The following FHIP1A variants were observed in gnomAD, a reference collection of about 807,000 sequenced individuals.
FHIP1A encodes FHF complex subunit HOOK interacting protein 1A.
In FHIP1A, 61 loss-of-function variants were observed where a neutral mutation model predicts 88.6. The ratio of observed to expected loss-of-function variants is 0.69; its 90% CI spans 0.56 to 0.85. FHIP1A has a LOEUF of 0.85. Among genes scored for constraint, FHIP1A ranks in the 40% least tolerant of loss-of-function variants. The pLI, the probability that FHIP1A is intolerant of heterozygous loss-of-function variation, is 0.00. For synonymous variants in FHIP1A, 478 were observed against 496.0 expected, an observed-to-expected ratio of 0.96 and a Z score of 0.48; for missense variants, 1,154 against 1,273.5, an observed-to-expected ratio of 0.91 and a Z score of 1.43.
At chr4:151,502,255 T>C (rs566442258) in intron 3 of FHIP1A, among the ~76,000 whole-genome samples, 6 of 151,814 alleles carry the variant, frequency 4.0e-5, no homozygotes, top group Admixed American at 6.6e-5. Flanking sequence ...AGATCAAGGC[T>C]GCAGTGAGCT....
At chr4:151,477,039 T>C (rs1729734012) in intron 2 of FHIP1A, among the ~76,000 whole-genome samples, 2 of 152,188 alleles carry the variant, frequency 1.3e-5, no homozygotes, top group Admixed American at 6.5e-5. Context: ...AAGGTGCCAA[T>C]TCTCTGTGAA....
intron 4 of FHIP1A, among the ~76,000 whole-genome samples, chr4:151,567,965 C>A (rs893539233): frequency 7.2e-5 from 11 of 152,124 alleles, no homozygotes; most frequent in African/African-American, 2.7e-4. Flanking sequence ...ATCATTTCTG[C>A]TGGGGTAACT....
At chr4:151,510,574 T>C (rs373678934) in intron 3 of FHIP1A, among the ~76,000 whole-genome samples, 15 of 152,318 alleles carry the variant, frequency 9.8e-5, no homozygotes, top group East Asian at 9.6e-4. Context: ...TTCTACTGAG[T>C]GCATTTTTTG....
intron 3 of FHIP1A, among the ~76,000 whole-genome samples, chr4:151,547,040 T>C (rs1488200478): frequency 6.6e-6 from 1 of 152,138 alleles, no homozygotes; most frequent in African/African-American, 2.4e-5. Context: ...TTTCTCTAGG[T>C]TGGCAATTCT....
At chr4:151,637,115 G>A (rs1233573375) in intron 8 of FHIP1A, among the ~76,000 whole-genome samples, 3 of 152,038 alleles carry the variant, frequency 2.0e-5, no homozygotes, top group African/African-American at 7.2e-5. Flanking sequence ...ATATCCATGT[G>A]CAAAATAATA....
chr4:151,436,801 C>T lies in FHIP1A; in HGVS notation c.-355-17900C>T, dbSNP rs528924104. Among the ~76,000 whole-genome samples the T allele has an allele frequency of 8.5e-5, 13 of 152,142 alleles. No individual in the cohort carries two copies. The East Asian group carries it at 2.5e-3, about 29-fold the overall frequency. ...GTTTTAAAAATAGTAATTCTAACAT[C>T]CAGTAGAAATACCAGCATCCAGTAG... On this transcript the variant is annotated intron_variant, in intron 1 of 13. Transcript: ENST00000435205.
rs1422483183 is a variant in FHIP1A at position 151,665,322 on chromosome 4, C to T, written c.*2568C>T. Among the ~76,000 whole-genome samples the T allele has an allele frequency of 1.3e-5, 2 of 152,178 alleles. No homozygotes were observed. Among genetic ancestry groups the T allele is most frequent in the Non-Finnish European group, 2.9e-5 (2 of 68,030 alleles). On this transcript the variant is annotated 3_prime_UTR_variant, in exon 14 of 14. Coordinates refer to ENST00000435205, the MANE Select transcript of FHIP1A (RefSeq NM_001109977.3). ...TGAGGACAGAGATGACTGGTGTGTG[C>T]AGTGACAGGCAGGAGAATGTAACTT... is the stretch of plus-strand genomic sequence containing the variant.
At chr4:151,424,717 C>T (rs1733298885) in intron 1 of FHIP1A, among the ~76,000 whole-genome samples, 1 of 151,218 alleles carries the variant, frequency 6.6e-6, no homozygotes, top group Non-Finnish European at 1.5e-5. Context: ...TGATTATAGA[C>T]AAGGTGATCT....
At chr4:151,636,205 G>C (rs908283195) in intron 8 of FHIP1A, among the ~76,000 whole-genome samples, 14 of 151,904 alleles carry the variant, frequency 9.2e-5, no homozygotes, top group African/African-American at 3.1e-4. Context: ...ATCATATCAA[G>C]ATAAAGGAAA....
chr4:151,477,590 C>T (rs866065096), intron 2 of FHIP1A, among the ~76,000 whole-genome samples: 3 of 151,944 alleles, frequency 2.0e-5, no homozygotes, highest in Non-Finnish European at 4.4e-5. Flanking sequence ...ATATTTGCTT[C>T]TCAAATCATG....
Position 151,650,280 on chromosome 4 carries a change from G to C in FHIP1A, c.2239G>C (p.Glu747Gln). The C allele has an allele frequency of 1.9e-6, 3 of 1,551,708 alleles. No individual in the cohort carries two copies. The highest frequency in any genetic ancestry group is 1.7e-6 in the Non-Finnish European group (2 of 1,146,990). ...HSSNLTAAHP[E>Q]SEELIAQYDQ... is the part of the protein sequence containing the mutation. ...CTCTAACCTGACAGCCGCCCACCCGGAGAGCGAGGAGCTCATTGCCCAGTA... is the reference window on the plus strand; with the variant it reads ...CTCTAACCTGACAGCCGCCCACCCGCAGAGCGAGGAGCTCATTGCCCAGTA... Residue 747 changes from glutamate to glutamine, a missense_variant, in exon 11 of 14, where the codon GAG (glutamate) becomes CAG (glutamine). By Grantham distance (29) the Glu-to-Gln change is conservative. Coordinates refer to ENST00000435205, the MANE Select transcript of FHIP1A (RefSeq NM_001109977.3).
chr4:151,550,916 C>T (rs11726545), intron 3 of FHIP1A, among the ~76,000 whole-genome samples: 16,896 of 152,246 alleles, frequency 0.11, 973 homozygotes, highest in African/African-American at 0.13. Flanking sequence ...ACAGGAAGCT[C>T]TGAAACTGGG....
At chr4:151,586,905 T>A in intron 6 of FHIP1A, 106 bp downstream of exon 6, 1 of 878,374 alleles carries the variant, frequency 1.1e-6, no homozygotes, top group East Asian at 2.8e-5. Context: ...TTAATAAATG[T>A]TTATGGAATA....
chr4:151,531,998 T>C (rs568052744), intron 3 of FHIP1A, among the ~76,000 whole-genome samples: 30 of 152,354 alleles, frequency 2.0e-4, no homozygotes, highest in South Asian at 1.4e-3. Context: ...TTTTGCTCAG[T>C]AGCATTTTAT....
intron 3 of FHIP1A, among the ~76,000 whole-genome samples, chr4:151,503,621 T>A (rs956739075): frequency 2.0e-5 from 3 of 151,680 alleles, no homozygotes; most frequent in Non-Finnish European, 2.9e-5. Context: ...AGAAAAAAAT[T>A]AAAAAAAACC....
At chr4:151,583,996 G>C (rs1734117570) in intron 5 of FHIP1A, among the ~76,000 whole-genome samples, 1 of 152,030 alleles carries the variant, frequency 6.6e-6, no homozygotes, top group African/African-American at 2.4e-5. Context: ...ATAGTACCTG[G>C]CCTGAAATAA....
chr4:151,501,462 T>C (rs576801805), intron 3 of FHIP1A, among the ~76,000 whole-genome samples: 5 of 152,304 alleles, frequency 3.3e-5, no homozygotes, highest in African/African-American at 1.2e-4. Context: ...TCTGTTTTCT[T>C]TAATTTAAAA....
chr4:151,540,771 C>T (rs927801161), intron 3 of FHIP1A, among the ~76,000 whole-genome samples: 1 of 152,110 alleles, frequency 6.6e-6, no homozygotes, highest in African/African-American at 2.4e-5. Flanking sequence ...GTTTTGCTCT[C>T]CTGAGTCAGG....
rs964005177 is a variant in FHIP1A at position 151,511,824 on chromosome 4, T to C, written c.-123+29176T>C. On this transcript the variant is annotated intron_variant, in intron 3 of 13. Transcript: ENST00000435205. ...GAGCCCACCACAGCTCAAGGAGGCC[T>C]GCCTGCCTCTGTAGGCTCCGCCTCT... is the stretch of plus-strand genomic sequence containing the variant. Among the ~76,000 whole-genome samples, 21 of 152,384 alleles carry C rather than the reference T, an allele frequency of 1.4e-4. No individual in the cohort carries two copies. The South Asian group carries it at 2.3e-3, about 17-fold the overall frequency.
Sources: allele counts gnomAD v4.1 joint callset (sites outside exome capture counted in the v4.1 genomes callset), GRCh38; gene constraint gnomAD v4.1.1; transcripts MANE v1.5; gene names NCBI Gene and HGNC (gene_info 2026-07-23, HGNC 2026-07-21).